Variants in KLF8 observed in about 807,000 individuals in gnomAD.
KLF8 encodes Krueppel-like factor 8.
In KLF8, 10 loss-of-function variants were observed where a neutral mutation model predicts 18.2. The ratio of observed to expected loss-of-function variants is 0.55; its 90% CI spans 0.34 to 0.93. The LOEUF is 0.93. Ranked by LOEUF, KLF8 falls within the 40% of genes least tolerant of loss-of-function variation. The pLI, the probability that KLF8 is intolerant of heterozygous loss-of-function variation, is 0.02. For missense variants in KLF8, 264 were observed against 277.9 expected (o/e 0.95, Z 0.36); for synonymous variants, 109 against 97.3 (o/e 1.12, Z -0.71).
the KLF8 span, among the ~76,000 whole-genome samples, chrX:56,041,995 C>T: frequency 4.5e-5 from 5 of 112,028 alleles, no homozygotes. Flanking sequence ...CCCTTTCTAG[C>T]TTTTTGATGT....
At chrX:56,164,135 C>T in the KLF8 span, among the ~76,000 whole-genome samples, 1 of 107,297 alleles carries the variant, frequency 9.3e-6, no homozygotes, top group Non-Finnish European at 1.9e-5. Context: ...ACAGCAAGAA[C>T]AAACACAACA....
At chrX:56,016,737 T>C in the KLF8 span, among the ~76,000 whole-genome samples, 1 of 111,288 alleles carries the variant, frequency 9.0e-6, no homozygotes, top group East Asian at 2.8e-4. Context: ...AGAGGAGGAG[T>C]GACCTGCCTA....
At chrX:56,132,856 A>T in the KLF8 span, among the ~76,000 whole-genome samples, 4 of 111,696 alleles carry the variant, frequency 3.6e-5, no homozygotes, top group African/African-American at 1.3e-4. Flanking sequence ...CCATAGAAAT[A>T]TGAAAGATCA....
the KLF8 span, among the ~76,000 whole-genome samples, chrX:55,992,394 G>T: frequency 1.8e-5 from 2 of 111,964 alleles, no homozygotes. Flanking sequence ...ACTTTGTCAA[G>T]GTCAGATGAC....
At chrX:56,153,341 A>G in the KLF8 span, among the ~76,000 whole-genome samples, 1 of 108,955 alleles carries the variant, frequency 9.2e-6, no homozygotes, top group Admixed American at 9.9e-5. Context: ...GGGAACAGAG[A>G]GGGACTCATC....
At chrX:56,004,459 C>G in the KLF8 span, among the ~76,000 whole-genome samples, 1 of 111,575 alleles carries the variant, frequency 9.0e-6, no homozygotes. Context: ...ATAATAATGA[C>G]AGGTGCTTTT....
At chrX:56,011,859 A>T in the KLF8 span, among the ~76,000 whole-genome samples, 1 of 111,997 alleles carries the variant, frequency 8.9e-6, no homozygotes, top group African/African-American at 3.2e-5. Flanking sequence ...AATCTAGAAA[A>T]AATTGATAAA....
chrX:55,966,711 G>T, the KLF8 span, among the ~76,000 whole-genome samples: 5 of 111,565 alleles, frequency 4.5e-5, no homozygotes, highest in African/African-American at 1.6e-4. Flanking sequence ...TCTTCAATTT[G>T]CAGTCACTGA....
the KLF8 span, among the ~76,000 whole-genome samples, chrX:56,121,181 G>A: frequency 5.3e-5 from 4 of 75,880 alleles, no homozygotes; most frequent in African/African-American, 1.7e-4. Context: ...GCGAGACTCC[G>A]TCTCAAAAAA....
the KLF8 span, among the ~76,000 whole-genome samples, chrX:55,941,061 T>C: frequency 1.3e-4 from 14 of 111,603 alleles, no homozygotes; most frequent in Admixed American, 3.8e-4. Flanking sequence ...GAGCCCACAT[T>C]GCCAAGTCAA....
chrX:55,999,353 AT>A, the KLF8 span, among the ~76,000 whole-genome samples: 2 of 76,261 alleles, frequency 2.6e-5, no homozygotes, highest in Non-Finnish European at 5.0e-5. Context: ...CAATTGTAGG[AT>A]TTTTTCTAAT....
the KLF8 span, among the ~76,000 whole-genome samples, chrX:56,022,577 A>G: frequency 2.8e-5 from 3 of 107,352 alleles, no homozygotes; most frequent in African/African-American, 6.9e-5. Context: ...AAGAAGAAAA[A>G]AAAAAGAAAA....
At chrX:56,088,966 C>G in the KLF8 span, among the ~76,000 whole-genome samples, 3 of 111,430 alleles carry the variant, frequency 2.7e-5, no homozygotes, top group African/African-American at 9.8e-5. Context: ...TGAACACAAT[C>G]AAAGAAAAAA....
the KLF8 span, among the ~76,000 whole-genome samples, chrX:56,133,500 T>A: frequency 1.8e-5 from 2 of 111,580 alleles, no homozygotes; most frequent in Non-Finnish European, 3.8e-5. Flanking sequence ...AAATCAGCAT[T>A]CAAGGGACAT....
At chrX:56,038,373 C>T in the KLF8 span, among the ~76,000 whole-genome samples, 4 of 111,674 alleles carry the variant, frequency 3.6e-5, no homozygotes, top group African/African-American at 9.8e-5. Flanking sequence ...GTCACTCACC[C>T]CACACATCAC....
At chrX:56,264,424 A>G (rs1461548412) in intron 2 of KLF8, among the ~76,000 whole-genome samples, 1 of 110,281 alleles carries the variant, frequency 9.1e-6, no homozygotes, top group Non-Finnish European at 1.9e-5. Context: ...TTTTAAACTA[A>G]TAAATTGGTT....
the KLF8 span, among the ~76,000 whole-genome samples, chrX:56,060,548 CGTGGATAAG>C: frequency 1.8e-5 from 2 of 111,713 alleles, no homozygotes; most frequent in African/African-American, 6.5e-5. Flanking sequence ...ACTTGATCAT[CGTGGATAAG>C]CTTTTTGATA....
the KLF8 span, among the ~76,000 whole-genome samples, chrX:56,144,974 G>T: frequency 1.7e-4 from 18 of 107,649 alleles, no homozygotes; most frequent in African/African-American, 5.0e-4. Context: ...TGTATTTTTG[G>T]TAGAGATGGG....
chrX:56,000,369 G>A, the KLF8 span, among the ~76,000 whole-genome samples: 5 of 106,636 alleles, frequency 4.7e-5, no homozygotes, highest in Non-Finnish European at 7.7e-5. Flanking sequence ...GAGTCAGAGA[G>A]GATTCTCTCC....
Sources: gnomAD v4.1 joint callset for allele counts (sites outside exome capture counted in the v4.1 genomes callset) on GRCh38, gnomAD v4.1.1 for gene constraint, MANE v1.5 for transcripts, NCBI Gene and HGNC (gene_info 2026-07-23, HGNC 2026-07-21) for gene names.